The following F11 variants were observed in gnomAD, a reference collection of about 807,000 sequenced individuals.
F11 encodes coagualtion factor XI.
In F11, 78 loss-of-function variants were observed where a neutral mutation model predicts 76.5. The observed-to-expected ratio is 1.02, with a 90% confidence interval of 0.85 to 1.23. The LOEUF (loss-of-function observed/expected upper bound fraction) is 1.23. F11 is among the 50% of genes most tolerant of loss of function. The pLI, the probability that F11 is intolerant of heterozygous loss-of-function variation, is 0.00. For synonymous variants in F11, 278 were observed against 276.3 expected (o/e 1.01, Z -0.06); for missense variants, 742 against 771.4 (o/e 0.96, Z 0.45).
rs138340187 is a variant in F11, at chr4:186,278,243, A to T, written c.756-1769A>T. On this transcript the variant is annotated intron_variant, in intron 7 of 14. Coordinates refer to ENST00000403665, the MANE Select transcript of F11 (RefSeq NM_000128.4). ...TTGCCTGATTGGCCTCCTGTTGATG[A>T]AAAGTTGTCCTCCAGACAACTCAGC... 2.0e-5 allele frequency among the ~76,000 whole-genome samples: 3 copies of T among 152,298 alleles called. No individual in the cohort carries two copies. The East Asian group carries it at 5.8e-4, about 29-fold the overall frequency.
chr4:186,275,688 C>A, intron 5 of F11, 99 bp from the exon 6 acceptor site: 1 of 860,588 alleles, frequency 1.2e-6, no homozygotes, highest in Non-Finnish European at 1.9e-6. Flanking sequence ...TTCGGGGTCT[C>A]GCAGGTCCTC....
chr4:186,269,194 A>T (rs2126709080), intron 2 of F11, among the ~76,000 whole-genome samples: 1 of 152,346 alleles, frequency 6.6e-6, no homozygotes, highest in African/African-American at 2.4e-5. Context: ...TTATTCCAGG[A>T]ATGAAAAGTT....
chr4:186,287,099 G>A (rs1038407133), intron 13 of F11, among the ~76,000 whole-genome samples: 3 of 151,638 alleles, frequency 2.0e-5, no homozygotes, highest in Admixed American at 6.6e-5. Flanking sequence ...TCAGCCTCCC[G>A]AGTAGCTGGG....
intron 6 of F11, 69 bp downstream of exon 6, chr4:186,275,965 C>A: frequency 7.9e-7 from 1 of 1,260,710 alleles, no homozygotes; most frequent in South Asian, 1.3e-5. Flanking sequence ...AGATCTCACT[C>A]AGGATACCAG....
intron 13 of F11, among the ~76,000 whole-genome samples, chr4:186,287,133 C>T (rs777934160): frequency 6.6e-6 from 1 of 151,868 alleles, no homozygotes; most frequent in South Asian, 2.1e-4. Flanking sequence ...AACCACCACC[C>T]CAAGCTAATT....
In F11 at chr4:186,289,271, T is replaced by G. The variant is rs1244044217; in HGVS notation, c.*657T>G. On this transcript the variant is annotated 3_prime_UTR_variant, in exon 15 of 15. Coordinates refer to ENST00000403665, the MANE Select transcript of F11 (RefSeq NM_000128.4). ...AGCAATTTACCTGGAAGTGATACCT[T>G]AGGGGCAATCTTGAAGATACACTTT... 2.6e-5 allele frequency among the ~76,000 whole-genome samples: 4 copies of G among 152,166 alleles called. No individual in the cohort carries two copies. Among genetic ancestry groups the G allele is most frequent in the African/African-American group, 9.7e-5 (4 of 41,436 alleles).
rs1741428893 is a variant in F11 at position 186,289,294 on chromosome 4, T to G, written c.*680T>G. Among the ~76,000 whole-genome samples the G allele has an allele frequency of 6.6e-6, 1 of 152,216 alleles. No individual in the cohort carries two copies. Among genetic ancestry groups the G allele is most frequent in the South Asian group, 2.1e-4 (1 of 4,832 alleles). ...CTTAGGGGCAATCTTGAAGATACAC[T>G]TTCCTGAAAAATGATTTGTGATGGA... On this transcript the variant is annotated 3_prime_UTR_variant, in exon 15 of 15. Coordinates refer to ENST00000403665, the MANE Select transcript of F11 (RefSeq NM_000128.4).
In F11 at chr4:186,287,790, C is replaced by T. The variant is rs770473069; in HGVS notation, c.1683C>T (p.Ala561=). ...GHKITHKMIC[A]GYREGGKDAC... is the part of the protein sequence containing the mutation. ...AAATAACCCATAAGATGATCTGTGCCGGCTACAGGGAAGGAGGGAAGGACG... is the reference window on the plus strand; with the variant it reads ...AAATAACCCATAAGATGATCTGTGCTGGCTACAGGGAAGGAGGGAAGGACG... Residue 561 remains alanine (A), a synonymous_variant, in exon 14 of 15, where the codon GCC becomes GCT. Transcript: ENST00000403665. The T allele has an allele frequency of 1.1e-5, 18 of 1,613,214 alleles. No individual in the cohort carries two copies. The highest frequency in any genetic ancestry group is 2.2e-5 in the South Asian group (2 of 91,064).
chr4:186,274,631 C>T (rs1054333651), intron 5 of F11: 1 of 309,266 alleles, frequency 3.2e-6, no homozygotes, highest in African/African-American at 2.2e-5. Flanking sequence ...AAAATAAAAA[C>T]CTACTCTCTC....
intron 12 of F11, 198 bp downstream of exon 12, chr4:186,286,011 G>C (rs1223962084): frequency 3.1e-6 from 2 of 650,576 alleles, no homozygotes; most frequent in African/African-American, 3.6e-5. Context: ...TTGGGAATGT[G>C]GGTAAAGAGA....
Position 186,283,072 on chromosome 4 carries a change from G to A in F11, c.1136-1020G>A, listed in dbSNP as rs1334260175. ...CCTGGTTATTCTAAATGTGATCTGGGCACAGCACATTGACATCACCTGGGA... is the reference window on the plus strand; with the variant it reads ...CCTGGTTATTCTAAATGTGATCTGGACACAGCACATTGACATCACCTGGGA... On this transcript the variant is annotated intron_variant, in intron 10 of 14. Coordinates refer to ENST00000403665, the MANE Select transcript of F11 (RefSeq NM_000128.4). The A allele has an allele frequency of 6.2e-6, 6 of 975,300 alleles. No homozygotes were observed. In the East Asian group the frequency reaches 5.7e-4, roughly 92 times the overall value. 60.4% of individuals were successfully genotyped at this position (975,300 alleles called of 1,614,324 possible).
intron 10 of F11, chr4:186,282,757 T>C: frequency 1.0e-6 from 1 of 985,388 alleles, no homozygotes; most frequent in Non-Finnish European, 1.2e-6. Context: ...GGCTCTAAAA[T>C]GAGAGCCTCT....
chr4:186,288,466 G>A lies in F11; in HGVS notation c.1730G>A (p.Gly577Asp). Residue 577 changes from glycine (G) to aspartate (D), a missense_variant, in exon 15 of 15, where the codon GGC (glycine) becomes GAC (aspartate). Gly to Asp is a moderately conservative substitution (Grantham distance 94). Transcript: ENST00000403665. The part of the protein sequence containing the change: ...GKDACKGDSG[G>D]PLSCKHNEVW... ...CCCTCGTTCTAGGGAGATTCGGGAG[G>A]CCCTCTGTCCTGCAAACACAATGAG... is the stretch of plus-strand genomic sequence containing the variant. The A allele has an allele frequency of 6.2e-7, 1 of 1,614,100 alleles. No homozygotes were observed. Among genetic ancestry groups the A allele is most frequent in the Non-Finnish European group, 8.5e-7 (1 of 1,179,994 alleles).
intron 4 of F11, 144 bp from the exon 5 acceptor site, chr4:186,273,972 T>A (rs1168588978): frequency 7.3e-6 from 6 of 821,146 alleles, no homozygotes; most frequent in Non-Finnish European, 1.2e-5. Flanking sequence ...CATTCAAGAA[T>A]AAGAATTTTG....
At chr4:186,270,008 C>T (rs1034861599) in intron 2 of F11, among the ~76,000 whole-genome samples, 1 of 152,120 alleles carries the variant, frequency 6.6e-6, no homozygotes, top group Non-Finnish European at 1.5e-5. Context: ...AGAATACTTC[C>T]CATTATTTCC....
rs879238525 is a variant in F11, at chr4:186,289,189, C to T, written c.*575C>T. Reference sequence around the variant, plus strand: ...TAAAAAAAATCAGTTCGAGTAGACACGAGCTAAGAGTGAATGTGAAGATAA... The same window carrying T: ...TAAAAAAAATCAGTTCGAGTAGACATGAGCTAAGAGTGAATGTGAAGATAA... On this transcript the variant is annotated 3_prime_UTR_variant, in exon 15 of 15. Transcript: ENST00000403665. Among the ~76,000 whole-genome samples the T allele has an allele frequency of 6.6e-6, 1 of 151,970 alleles. No individual in the cohort carries two copies. Among genetic ancestry groups the T allele is most frequent in the Admixed American group, 6.6e-5 (1 of 15,260 alleles).
intron 12 of F11, 117 bp downstream of exon 12, chr4:186,285,930 G>A: frequency 8.8e-7 from 1 of 1,141,320 alleles, no homozygotes; most frequent in Non-Finnish European, 1.3e-6. Flanking sequence ...ATCATGAAAG[G>A]GAGAGGGCCT....
chr4:186,288,405 A>C (rs5966), intron 14 of F11, 48 bp from the exon 15 acceptor site: 1 of 1,612,478 alleles, frequency 6.2e-7, no homozygotes, highest in African/African-American at 1.3e-5. Flanking sequence ...GAAGATGGGA[A>C]GCGTCTGAGT....
chr4:186,285,746 G>A lies in F11; in HGVS notation c.1413G>A (p.Gln471=), dbSNP rs778648408. The change falls in exon 12 of 15, where the codon CAG becomes CAA. Residue 471 remains glutamine, a synonymous_variant. Transcript: ENST00000403665. ...TTCAAGAAATAATAATCCATGATCA[G>A]TATAAAATGGCAGAAAGCGGGTATG... ...FGVQEIIIHD[Q]YKMAESGYDI... 6.8e-6 allele frequency: 11 copies of A among 1,614,026 alleles called. No homozygotes were observed. Among genetic ancestry groups the A allele is most frequent in the African/African-American group, 1.3e-5 (1 of 74,922 alleles).
Sources: gnomAD v4.1 joint callset for allele counts (sites outside exome capture counted in the v4.1 genomes callset) on GRCh38, gnomAD v4.1.1 for gene constraint, MANE v1.5 for transcripts, NCBI Gene and HGNC (gene_info 2026-07-23, HGNC 2026-07-21) for gene names.